The following NEGR1 variants were observed in gnomAD, a reference collection of about 807,000 sequenced individuals.
The protein encoded by NEGR1 is neuronal growth regulator 1.
In NEGR1, 10 loss-of-function variants were observed where a neutral mutation model predicts 40.9. The observed-to-expected ratio is 0.24, with a 90% CI of 0.15 to 0.42. The LOEUF (loss-of-function observed/expected upper bound fraction) is 0.42. Ranked by LOEUF, NEGR1 falls within the 10% of genes least tolerant of loss-of-function variation. NEGR1 has a pLI of 1.00. For missense variants in NEGR1, 352 were observed against 438.9 expected (o/e 0.80, Z 1.77); for synonymous variants, 185 against 166.8 (o/e 1.11, Z -0.84).
At chr1:71,773,254 T>C (rs915718374) in intron 3 of NEGR1, among the ~76,000 whole-genome samples, 1 of 152,222 alleles carries the variant, frequency 6.6e-6, no homozygotes, top group Admixed American at 6.5e-5. Flanking sequence ...CCATGGGCAT[T>C]GCTAAAAACC....
chr1:72,256,332 T>C (rs939410256), intron 1 of NEGR1, among the ~76,000 whole-genome samples: 3 of 152,174 alleles, frequency 2.0e-5, no homozygotes, highest in Non-Finnish European at 4.4e-5. Flanking sequence ...CAGCTGGAGA[T>C]TCCAAACAAG....
intron 2 of NEGR1, among the ~76,000 whole-genome samples, chr1:71,870,072 G>T (rs1394291065): frequency 6.6e-6 from 1 of 151,906 alleles, no homozygotes; most frequent in Non-Finnish European, 1.5e-5. Flanking sequence ...TAGAGACGGG[G>T]TTTCGCCGTG....
At chr1:71,701,132 T>A (rs1407477313) in intron 3 of NEGR1, among the ~76,000 whole-genome samples, 1 of 152,038 alleles carries the variant, frequency 6.6e-6, no homozygotes, top group Non-Finnish European at 1.5e-5. Flanking sequence ...AATTGAAGGA[T>A]AATAAATTTT....
intron 3 of NEGR1, among the ~76,000 whole-genome samples, chr1:71,768,298 C>A (rs572263082): frequency 6.6e-6 from 1 of 152,306 alleles, no homozygotes; most frequent in South Asian, 2.1e-4. Flanking sequence ...TGGGACAGAG[C>A]TGCCCAAGGC....
intron 1 of NEGR1, among the ~76,000 whole-genome samples, chr1:72,069,486 TTTGA>T (rs1245648445): frequency 1.3e-5 from 2 of 152,044 alleles, no homozygotes; most frequent in African/African-American, 4.8e-5. Flanking sequence ...AAGTATGAAT[TTTGA>T]TTAAGATGGT....
At chr1:71,671,330 C>A (rs1652422594) in intron 4 of NEGR1, among the ~76,000 whole-genome samples, 1 of 152,060 alleles carries the variant, frequency 6.6e-6, no homozygotes, top group Non-Finnish European at 1.5e-5. Flanking sequence ...TAAAGAGCAA[C>A]CTTCAGACTG....
intron 2 of NEGR1, among the ~76,000 whole-genome samples, chr1:71,927,528 CA>C (rs1367441953): frequency 6.6e-6 from 1 of 152,044 alleles, no homozygotes; most frequent in Non-Finnish European, 1.5e-5. Context: ...TCACGAATGA[CA>C]CCTGAAAAAC....
chr1:71,438,212 G>T (rs898263009), intron 6 of NEGR1, among the ~76,000 whole-genome samples: 1 of 152,062 alleles, frequency 6.6e-6, no homozygotes, highest in African/African-American at 2.4e-5. Flanking sequence ...GTGTACAAAT[G>T]AAAAAATAAT....
At chr1:71,907,690 T>C (rs1661314902) in intron 2 of NEGR1, among the ~76,000 whole-genome samples, 1 of 152,168 alleles carries the variant, frequency 6.6e-6, no homozygotes, top group South Asian at 2.1e-4. Context: ...ACCAAAAATA[T>C]GCATGAAGTT....
At chr1:72,023,327 A>G (rs1296013920) in intron 1 of NEGR1, among the ~76,000 whole-genome samples, 1 of 152,124 alleles carries the variant, frequency 6.6e-6, no homozygotes, top group Non-Finnish European at 1.5e-5. Context: ...CCTTTACACA[A>G]ATAAAATTAC....
At chr1:72,024,784 G>A (rs1287751725) in intron 1 of NEGR1, among the ~76,000 whole-genome samples, 1 of 152,186 alleles carries the variant, frequency 6.6e-6, no homozygotes, top group East Asian at 1.9e-4. Context: ...TGTGAAACGT[G>A]AGAATGCTTC....
intron 3 of NEGR1, among the ~76,000 whole-genome samples, chr1:71,756,399 AAC>A (rs1237519514): frequency 3.3e-5 from 2 of 60,482 alleles, no homozygotes; most frequent in African/African-American, 5.1e-5. Flanking sequence ...AAAAACAAAA[AAC>A]AAAAACAAAC....
chr1:71,762,631 T>G (rs567944076), intron 3 of NEGR1, among the ~76,000 whole-genome samples: 94 of 152,260 alleles, frequency 6.2e-4, no homozygotes, highest in African/African-American at 2.1e-3. Context: ...ATGAACTTGA[T>G]ATATACTATA....
chr1:72,239,795 G>T (rs1249263970), intron 1 of NEGR1, among the ~76,000 whole-genome samples: 1 of 151,654 alleles, frequency 6.6e-6, no homozygotes, highest in East Asian at 1.9e-4. Context: ...AAAATTGAAT[G>T]AGAAAAATCT....
At chr1:71,759,287 C>CCTTT (rs1655851907) in intron 3 of NEGR1, among the ~76,000 whole-genome samples, 1 of 85,220 alleles carries the variant, frequency 1.2e-5, no homozygotes, top group African/African-American at 4.8e-5. Context: ...AAGATTATAA[C>CCTTT]TTTTTTTTTT....
At chr1:72,106,330 C>A (rs1340255459) in intron 1 of NEGR1, among the ~76,000 whole-genome samples, 1 of 151,970 alleles carries the variant, frequency 6.6e-6, no homozygotes, top group Admixed American at 6.6e-5. Context: ...GATGTTAGAA[C>A]CCTCAAATTC....
intron 3 of NEGR1, among the ~76,000 whole-genome samples, chr1:71,773,284 A>G (rs1656392644): frequency 2.0e-5 from 3 of 152,232 alleles, no homozygotes; most frequent in African/African-American, 7.2e-5. Flanking sequence ...TCAGACACAT[A>G]CAAAAACTAG....
intron 5 of NEGR1, among the ~76,000 whole-genome samples, chr1:71,595,194 A>G (rs1349549572): frequency 1.3e-5 from 2 of 152,178 alleles, no homozygotes; most frequent in Admixed American, 1.3e-4. Context: ...GGCCAGCAGT[A>G]CCGTGTGCAT....
chr1:71,523,434 T>A (rs1291279569), intron 6 of NEGR1, among the ~76,000 whole-genome samples: 1 of 151,978 alleles, frequency 6.6e-6, no homozygotes, highest in Non-Finnish European at 1.5e-5. Flanking sequence ...AGTAGATGTT[T>A]GTTGAAAATA....
Sources: allele counts gnomAD v4.1 joint callset (sites outside exome capture counted in the v4.1 genomes callset), GRCh38; gene constraint gnomAD v4.1.1; transcripts MANE v1.5; gene names NCBI Gene and HGNC (gene_info 2026-07-23, HGNC 2026-07-21).